The following THRB variants were observed in gnomAD, a reference collection of about 807,000 sequenced individuals.
The protein encoded by THRB is thyroid hormone receptor beta.
In THRB, 12 loss-of-function variants were observed where a neutral mutation model predicts 47.8. The ratio of observed to expected loss-of-function variants is 0.25; its 90% CI spans 0.16 to 0.41. THRB has a LOEUF of 0.41. Among genes scored for constraint, THRB ranks in the 10% least tolerant of loss-of-function variants. THRB has a pLI of 1.00. For synonymous variants in THRB, 218 were observed against 212.2 expected, an observed-to-expected ratio of 1.03 and a Z score of -0.24; for missense variants, 348 against 589.2, an observed-to-expected ratio of 0.59 and a Z score of 4.24.
At chr3:24,135,923 A>T (rs1249853343) in intron 8 of THRB, among the ~76,000 whole-genome samples, 1 of 150,258 alleles carries the variant, frequency 6.7e-6, no homozygotes, top group Non-Finnish European at 1.5e-5. Context: ...TAAAAATAAA[A>T]TTAAGAAGTG....
intron 4 of THRB, among the ~76,000 whole-genome samples, chr3:24,218,337 TCTCTC>T (rs1329194801): frequency 6.5e-5 from 7 of 108,206 alleles, no homozygotes; most frequent in African/African-American, 1.9e-4. Context: ...TCTCTCTCTC[TCTCTC>T]TTTTTTTTTT....
intron 3 of THRB, among the ~76,000 whole-genome samples, chr3:24,274,317 C>T (rs2053672218): frequency 6.6e-6 from 1 of 152,112 alleles, no homozygotes; most frequent in Non-Finnish European, 1.5e-5. Context: ...TTTATATGGA[C>T]TTAAATTATA....
At chr3:24,339,167 A>G (rs1028244004) in intron 1 of THRB, among the ~76,000 whole-genome samples, 4 of 152,158 alleles carry the variant, frequency 2.6e-5, no homozygotes, top group African/African-American at 9.7e-5. Flanking sequence ...TTGGACCTCA[A>G]TATTTTTTTT....
chr3:24,277,894 T>C (rs2150763052), intron 3 of THRB, among the ~76,000 whole-genome samples: 1 of 152,314 alleles, frequency 6.6e-6, no homozygotes, highest in African/African-American at 2.4e-5. Context: ...ATCAAATAAT[T>C]GATGTTCTCA....
chr3:24,316,900 TG>T (rs2058155085), intron 2 of THRB, among the ~76,000 whole-genome samples: 1 of 152,174 alleles, frequency 6.6e-6, no homozygotes, highest in Admixed American at 6.5e-5. Context: ...CTCCTTTTCG[TG>T]AAAGGCTGAG....
chr3:24,280,662 C>T (rs2054472981), intron 3 of THRB, among the ~76,000 whole-genome samples: 1 of 152,062 alleles, frequency 6.6e-6, no homozygotes, highest in East Asian at 1.9e-4. Flanking sequence ...ACATTCAAAC[C>T]AAAGGCAAAT....
At chr3:24,285,629 A>T (rs551782044) in intron 3 of THRB, among the ~76,000 whole-genome samples, 1 of 152,040 alleles carries the variant, frequency 6.6e-6, no homozygotes, top group South Asian at 2.1e-4. Flanking sequence ...TATTAATCTT[A>T]TTTTCTCCCA....
chr3:24,316,315 A>G (rs2058108594), intron 2 of THRB, among the ~76,000 whole-genome samples: 1 of 152,166 alleles, frequency 6.6e-6, no homozygotes, highest in Non-Finnish European at 1.5e-5. Context: ...ACATTTCATC[A>G]TAATATATTT....
chr3:24,326,973 C>T (rs1243276943), intron 2 of THRB, among the ~76,000 whole-genome samples: 1 of 151,782 alleles, frequency 6.6e-6, no homozygotes, highest in African/African-American at 2.4e-5. Context: ...CCATATTGGC[C>T]AGGCTAGTCT....
chr3:24,159,332 G>C (rs752426927), intron 5 of THRB, among the ~76,000 whole-genome samples: 1 of 152,186 alleles, frequency 6.6e-6, no homozygotes, highest in African/African-American at 2.4e-5. Flanking sequence ...GCGCTTTAGG[G>C]AGTGCAAAAT....
chr3:24,446,987 C>T (rs1362496211), intron 1 of THRB, among the ~76,000 whole-genome samples: 3 of 152,040 alleles, frequency 2.0e-5, no homozygotes, highest in Non-Finnish European at 4.4e-5. Flanking sequence ...GTATTTTTTG[C>T]AACTTCCCAG....
Position 24,120,532 on chromosome 3 carries a change from T to C in THRB, c.*2352A>G, listed in dbSNP as rs536651178. 1 of 152,418 alleles carries C rather than the reference T, an allele frequency of 6.6e-6. No homozygotes were observed. Among genetic ancestry groups the C allele is most frequent in the South Asian group, 2.1e-4 (1 of 4,820 alleles). The allele number at this position is 152,418 out of a possible 1,614,324, so 9.4% of individuals were successfully genotyped here. A position where few individuals can be genotyped will look rare whatever the true frequency, so the allele number is the denominator to read the frequency against. Reference sequence around the variant, plus strand: ...AAACTTTCCCCAGAAGGCCTGACGCTGCAGGACCCTGCCTGCTTGCCTTCC... The same window carrying C: ...AAACTTTCCCCAGAAGGCCTGACGCCGCAGGACCCTGCCTGCTTGCCTTCC... On this transcript the variant is annotated 3_prime_UTR_variant, in exon 11 of 11. Transcript: ENST00000646209.
At chr3:24,398,478 T>C (rs1467496119) in intron 1 of THRB, among the ~76,000 whole-genome samples, 1 of 152,052 alleles carries the variant, frequency 6.6e-6, no homozygotes, top group Non-Finnish European at 1.5e-5. Flanking sequence ...CATGAAAAAA[T>C]GCTCATCATC....
At chr3:24,489,602 T>G (rs920159979) in intron 1 of THRB, among the ~76,000 whole-genome samples, 2 of 152,192 alleles carry the variant, frequency 1.3e-5, no homozygotes, top group Non-Finnish European at 2.9e-5. Flanking sequence ...TTGGAAAAGA[T>G]CCTGAAGTTC....
chr3:24,388,044 C>T (rs981016188), intron 1 of THRB, among the ~76,000 whole-genome samples: 3 of 152,050 alleles, frequency 2.0e-5, no homozygotes, highest in South Asian at 4.2e-4. Context: ...CACGCACCAC[C>T]CAGATCTCCT....
chr3:24,314,612 T>C (rs915487955), intron 2 of THRB, among the ~76,000 whole-genome samples: 1 of 152,226 alleles, frequency 6.6e-6, no homozygotes, highest in Non-Finnish European at 1.5e-5. Flanking sequence ...GACAAGTGTC[T>C]TCCTTGCTCT....
intron 1 of THRB, among the ~76,000 whole-genome samples, chr3:24,341,319 C>T (rs959194487): frequency 3.3e-4 from 49 of 147,876 alleles, no homozygotes; most frequent in African/African-American, 1.1e-3. Flanking sequence ...GACACTTCCA[C>T]TTCCTGGCTC....
intron 3 of THRB, among the ~76,000 whole-genome samples, chr3:24,281,213 A>C (rs997366045): frequency 6.6e-6 from 1 of 152,210 alleles, no homozygotes; most frequent in African/African-American, 2.4e-5. Flanking sequence ...CTCAAAGGGA[A>C]GCCCATCAGA....
intron 9 of THRB, among the ~76,000 whole-genome samples, chr3:24,128,459 C>T (rs2033276969): frequency 6.6e-6 from 1 of 152,162 alleles, no homozygotes; most frequent in African/African-American, 2.4e-5. Flanking sequence ...CTTTTAAGCT[C>T]ATTTGGTTAC....
Sources: gnomAD v4.1 joint callset for allele counts (sites outside exome capture counted in the v4.1 genomes callset) on GRCh38, gnomAD v4.1.1 for gene constraint, MANE v1.5 for transcripts, NCBI Gene and HGNC (gene_info 2026-07-23, HGNC 2026-07-21) for gene names.